The following ANKS1B variants were observed in gnomAD, a reference collection of about 807,000 sequenced individuals.
ANKS1B encodes the protein ankyrin repeat and sterile alpha motif domain containing 1B.
A neutral mutation model predicts 148.3 loss-of-function variants in ANKS1B; 36 were observed. The observed-to-expected ratio is 0.24, with a 90% CI of 0.19 to 0.32. The LOEUF (loss-of-function observed/expected upper bound fraction) is 0.32. Ranked by LOEUF, ANKS1B falls within the 10% of genes least tolerant of loss-of-function variation. The pLI, the probability that ANKS1B is intolerant of heterozygous loss-of-function variation, is 1.00. For synonymous variants in ANKS1B, 542 were observed against 560.8 expected, an observed-to-expected ratio of 0.97 and a Z score of 0.47; for missense variants, 1,157 against 1,542.6, an observed-to-expected ratio of 0.75 and a Z score of 4.19.
At chr12:99,333,854 G>GTTGTTTTT (rs1555391372) in intron 12 of ANKS1B, among the ~76,000 whole-genome samples, 2 of 107,484 alleles carry the variant, frequency 1.9e-5, no homozygotes, top group African/African-American at 8.0e-5. Flanking sequence ...CCAGTTCTCA[G>GTTGTTTTT]TTTTTTTTTT....
intron 12 of ANKS1B, among the ~76,000 whole-genome samples, chr12:99,268,332 G>A (rs2076671145): frequency 6.6e-6 from 1 of 152,174 alleles, no homozygotes; most frequent in African/African-American, 2.4e-5. Flanking sequence ...CTTGAAAAAG[G>A]GGACAGGAAG....
intron 1 of ANKS1B, among the ~76,000 whole-genome samples, chr12:99,928,319 C>T (rs1187768956): frequency 4.0e-5 from 6 of 148,734 alleles, no homozygotes; most frequent in Non-Finnish European, 5.9e-5. Context: ...TCGCCCAGGC[C>T]GGACTGCGGA....
intron 25 of ANKS1B, among the ~76,000 whole-genome samples, chr12:98,757,804 T>C (rs986793427): frequency 2.5e-4 from 38 of 152,244 alleles, no homozygotes; most frequent in Admixed American, 2.2e-3. Context: ...TATAAGCTCA[T>C]TGGAAGATAC....
intron 12 of ANKS1B, among the ~76,000 whole-genome samples, chr12:99,257,015 C>T (rs949377643): frequency 2.6e-5 from 4 of 152,012 alleles, no homozygotes; most frequent in East Asian, 3.9e-4. Flanking sequence ...GAGGCTGAGA[C>T]GGGTGGATCA....
intron 17 of ANKS1B, among the ~76,000 whole-genome samples, chr12:98,937,299 G>A (rs2099819683): frequency 6.6e-6 from 1 of 152,064 alleles, no homozygotes; most frequent in Non-Finnish European, 1.5e-5. Context: ...TTGGAGATAT[G>A]TGCTTTTTTT....
intron 9 of ANKS1B, among the ~76,000 whole-genome samples, chr12:99,529,679 C>T (rs2096967480): frequency 6.6e-6 from 1 of 152,056 alleles, no homozygotes; most frequent in Non-Finnish European, 1.5e-5. Flanking sequence ...AAGAAGTAGT[C>T]ATCAACTTCT....
rs543924757 is a variant in ANKS1B, at chr12:99,078,450, G to A, written c.2625+6475C>T. 8.7e-4 allele frequency among the ~76,000 whole-genome samples: 133 copies of A among 152,210 alleles called. 1 individual carries two copies. Among genetic ancestry groups the A allele is most frequent in the African/African-American group, 3.1e-3 (128 of 41,534 alleles). ...GTTATGAAGTGATTATGTACAATTT[G>A]CAAATATCTAGTGTCCCTAACTTCT... On this transcript the variant is annotated intron_variant, in intron 16 of 26. Transcript: ENST00000683438.
At chr12:99,493,018 G>A (rs1369844438) in intron 10 of ANKS1B, among the ~76,000 whole-genome samples, 1 of 152,112 alleles carries the variant, frequency 6.6e-6, no homozygotes, top group African/African-American at 2.4e-5. Context: ...ATTTCACGTA[G>A]TATTGGAAGT....
intron 9 of ANKS1B, among the ~76,000 whole-genome samples, chr12:99,623,236 TAG>T (rs1341375771): frequency 2.0e-5 from 3 of 151,790 alleles, no homozygotes; most frequent in African/African-American, 7.3e-5. Context: ...ATCAAAAAAC[TAG>T]GCATCAAAGG....
intron 16 of ANKS1B, among the ~76,000 whole-genome samples, chr12:99,063,493 G>A (rs911226925): frequency 6.6e-6 from 1 of 152,166 alleles, no homozygotes; most frequent in African/African-American, 2.4e-5. Context: ...TTAAAAGGCT[G>A]ATTGAACATA....
In ANKS1B at chr12:99,629,102, T is replaced by C. The variant is rs115916341; in HGVS notation, c.1272+25965A>G. Among the ~76,000 whole-genome samples the C allele has an allele frequency of 6.2e-3, 947 of 152,228 alleles. 16 individuals carry two copies. The highest frequency in any genetic ancestry group is 0.021 in the African/African-American group (885 of 41,538). On this transcript the variant is annotated intron_variant, in intron 9 of 26. Transcript: ENST00000683438. The stretch of plus-strand genomic sequence containing the variant: ...ATATTATCTATGGCTCATGATACAA[T>C]AGCAGAACTAAGCAATGTGACAGAG...
At chr12:99,185,574 T>C (rs1404448215) in intron 14 of ANKS1B, among the ~76,000 whole-genome samples, 1 of 152,148 alleles carries the variant, frequency 6.6e-6, no homozygotes, top group Non-Finnish European at 1.5e-5. Context: ...GGTTAGACAG[T>C]GGGTGCAGCC....
intron 1 of ANKS1B, among the ~76,000 whole-genome samples, chr12:99,936,188 G>C (rs752382778): frequency 6.6e-6 from 1 of 152,128 alleles, no homozygotes; most frequent in African/African-American, 2.4e-5. Context: ...TGGGGACATG[G>C]AGCCAAACCA....
At chr12:99,884,052 A>T (rs1328791218) in intron 1 of ANKS1B, among the ~76,000 whole-genome samples, 1 of 152,170 alleles carries the variant, frequency 6.6e-6, no homozygotes, top group Non-Finnish European at 1.5e-5. Flanking sequence ...AAGAAGATAC[A>T]TAGATACTAG....
intron 17 of ANKS1B, among the ~76,000 whole-genome samples, chr12:98,852,497 C>T (rs1371885389): frequency 1.3e-5 from 2 of 152,114 alleles, no homozygotes. Context: ...GGGAGTACTA[C>T]TTTCTATGCA....
At position 99,016,314 on chromosome 12, in the gene ANKS1B, T is replaced by C. The variant is rs185040852; in HGVS notation, c.2778+36843A>G. Among the ~76,000 whole-genome samples the C allele has an allele frequency of 4.6e-3, 698 of 152,332 alleles. 20 individuals are homozygous for C. Among genetic ancestry groups the C allele is most frequent in the Non-Finnish European group, 1.9e-3 (126 of 68,028 alleles). ...GTTTTGTAAGCAAAGTAGGATACCA[T>C]GATTGATAGACCTTTTTGTAAAGTA... On this transcript the variant is annotated intron_variant, in intron 17 of 26. Coordinates refer to ENST00000683438, the MANE Select transcript of ANKS1B (RefSeq NM_001352186.2).
intron 12 of ANKS1B, among the ~76,000 whole-genome samples, chr12:99,315,957 G>T (rs904515751): frequency 1.3e-5 from 2 of 152,140 alleles, no homozygotes; most frequent in African/African-American, 2.4e-5. Context: ...TGCTCAGAAT[G>T]ATAGTTTCCA....
chr12:99,492,500 T>C (rs774953807), intron 10 of ANKS1B, among the ~76,000 whole-genome samples: 1 of 152,192 alleles, frequency 6.6e-6, no homozygotes, highest in African/African-American at 2.4e-5. Context: ...CCATTTCTAC[T>C]GAAACTATTT....
chr12:99,961,121 C>T (rs1390744395), intron 1 of ANKS1B, among the ~76,000 whole-genome samples: 2 of 152,252 alleles, frequency 1.3e-5, no homozygotes, highest in East Asian at 3.9e-4. Flanking sequence ...CTCAGCTACT[C>T]AGGAGGCTGA....
Sources: gnomAD v4.1 joint callset for allele counts (sites outside exome capture counted in the v4.1 genomes callset) on GRCh38, gnomAD v4.1.1 for gene constraint, MANE v1.5 for transcripts, NCBI Gene and HGNC (gene_info 2026-07-23, HGNC 2026-07-21) for gene names.